Variants in INTS7 observed in about 807,000 individuals in gnomAD.
INTS7 encodes the protein chromosome 1 open reading frame 73.
Under a neutral mutation model 109.2 loss-of-function variants are expected in INTS7, and 46 were observed. The observed-to-expected ratio is 0.42, with a 90% CI of 0.33 to 0.54. The LOEUF is 0.54. Among genes scored for constraint, INTS7 ranks in the 20% least tolerant of loss-of-function variants. The pLI is 0.07. For synonymous variants in INTS7, 412 were observed against 402.9 expected (o/e 1.02, Z -0.27); for missense variants, 929 against 1,132.4 (o/e 0.82, Z 2.58).
In INTS7 at chr1:212,033,810, G is replaced by A. The variant is rs142316142; in HGVS notation, c.94+1534C>T. ...GAAAAACACATTTAAGGCCGGGCGC[G>A]GTGGCTCATGCCTGTAAATCCCAGC... On this transcript the variant is annotated intron_variant, in intron 1 of 19. Coordinates refer to ENST00000366994, the MANE Select transcript of INTS7 (RefSeq NM_015434.4). Among the ~76,000 whole-genome samples the A allele has an allele frequency of 3.1e-4, 47 of 152,250 alleles. No homozygotes were observed. In the East Asian group the frequency reaches 8.3e-3, roughly 27 times the overall value.
chr1:212,021,188 T>C lies in INTS7; in HGVS notation c.119A>G (p.Glu40Gly). 2 of 1,611,760 alleles carry C rather than the reference T, an allele frequency of 1.2e-6. No homozygotes were observed. Among genetic ancestry groups the C allele is most frequent in the Non-Finnish European group, 8.5e-7 (1 of 1,179,072 alleles). Residue 40 changes from glutamate to glycine, a missense_variant, in exon 2 of 20, where the codon GAA becomes GGA. Physicochemically the swap from Glu to Gly is moderately conservative, Grantham distance 98. Transcript: ENST00000366994. ...AAAGCGAACAACTGCTTCACACTGT[T>C]CACCAAGTTTGCCAGATCTTAGGCC... ...DKGLRSGKLG[E>G]QCEAVVRFPR...
At chr1:211,997,038 T>A (rs538156726) in intron 7 of INTS7, among the ~76,000 whole-genome samples, 1 of 149,650 alleles carries the variant, frequency 6.7e-6, no homozygotes, top group Non-Finnish European at 1.5e-5. Flanking sequence ...AATAAATAAA[T>A]AAAAATAAAA....
At chr1:212,011,659 C>A in intron 4 of INTS7, 1 of 437,452 alleles carries the variant, frequency 2.3e-6, no homozygotes, top group Non-Finnish European at 4.1e-6. Context: ...TAGGCCATTA[C>A]CACAATACAG....
rs372701166 is a variant in INTS7 at position 211,946,766 on chromosome 1, G to C, written c.2317-61C>G. 3.2e-5 allele frequency: 36 copies of C among 1,140,940 alleles called. 1 individual carries two copies. In the African/African-American group the frequency reaches 5.0e-4, roughly 16 times the overall value. 70.7% of individuals were successfully genotyped at this position (1,140,940 alleles called of 1,614,324 possible). A position where few individuals can be genotyped will look rare whatever the true frequency, so the allele number is the denominator to read the frequency against. On this transcript the variant is annotated intron_variant, in intron 17 of 19. Transcript: ENST00000366994. This position sits in a 1 kb window ranked among gnomAD's most constrained non-coding sequence, Gnocchi z 4.3. ...AATTTTCAAATTTCATCAACAAGTG[G>C]TACATTCAGTATAAAACTACAAATG...
chr1:211,942,066 G>T lies in INTS7; in HGVS notation c.2647C>A (p.Pro883Thr), dbSNP rs1370550239. Reference sequence around the variant, plus strand: ...TGAGTACTGAAGTAATCATTATGAGGTTCAACCCTTTGCTCCATCTCATTG... The same window carrying T: ...TGAGTACTGAAGTAATCATTATGAGTTTCAACCCTTTGCTCCATCTCATTG... ...MTNEMEQRVE[P>T]HNDYFSTQFL... The change falls in exon 20 of 20, where the codon CCT (proline) becomes ACT (threonine). Residue 883 changes from proline to threonine, a missense_variant. Pro to Thr is a conservative substitution (Grantham distance 38). This residue lies in a region of INTS7 where 787 missense variants were observed against 901.1 expected (regional missense o/e 0.87). Coordinates refer to ENST00000366994, the MANE Select transcript of INTS7 (RefSeq NM_015434.4). This position sits in a 1 kb window ranked among gnomAD's most constrained non-coding sequence, Gnocchi z 4.2. The T allele has an allele frequency of 5.6e-6, 9 of 1,614,144 alleles. No individual in the cohort carries two copies. The highest frequency in any genetic ancestry group is 7.6e-6 in the Non-Finnish European group (9 of 1,180,006).
In INTS7 at chr1:211,968,692, G is replaced by A. The variant is rs748297817; in HGVS notation, c.1831C>T (p.Leu611=). The change falls in exon 14 of 20, where the codon CTG becomes TTG. Residue 611 remains leucine (L), a synonymous_variant. Transcript: ENST00000366994. ...IASLTAASTP[L]NPLSFQCEFV... ...TCACACTGAAAGCTTAAAGGATTCA[G>A]TGGTGTACTAGCTGCCTGGGAAAAA... The A allele has an allele frequency of 3.1e-6, 5 of 1,603,790 alleles. No individual in the cohort carries two copies. In the South Asian group the frequency reaches 5.5e-5, roughly 18 times the overall value.
chr1:212,033,619 C>T (rs1312093440), intron 1 of INTS7, among the ~76,000 whole-genome samples: 2 of 152,192 alleles, frequency 1.3e-5, no homozygotes, highest in Admixed American at 6.5e-5. Flanking sequence ...CCATCTTTAT[C>T]CCTGTTCCAC....
At chr1:211,987,820 T>C in intron 8 of INTS7, 66 bp downstream of exon 8, 1 of 894,896 alleles carries the variant, frequency 1.1e-6, no homozygotes, top group Non-Finnish European at 1.7e-6. Context: ...AGAAACAACC[T>C]GAAACATAAA....
intron 14 of INTS7, among the ~76,000 whole-genome samples, 183 bp from the exon 15 acceptor site, chr1:211,968,164 A>AAACT (rs1663993552): frequency 6.6e-6 from 1 of 152,234 alleles, no homozygotes; most frequent in African/African-American, 2.4e-5. Flanking sequence ...ATGGCAAATG[A>AAACT]AACTATACAT....
chr1:211,968,558 C>A lies in INTS7; in HGVS notation c.1965G>T (p.Met655Ile). The A allele has an allele frequency of 6.2e-7, 1 of 1,614,028 alleles. No homozygotes were observed. The highest frequency in any genetic ancestry group is 1.1e-5 in the South Asian group (1 of 91,066). The change falls in exon 14 of 20, where the codon ATG becomes ATT. Residue 655 changes from methionine to isoleucine, a missense_variant. Met to Ile is a conservative substitution (Grantham distance 10). This residue lies in a region of INTS7 where 787 missense variants were observed against 901.1 expected (regional missense o/e 0.87). Coordinates refer to ENST00000366994, the MANE Select transcript of INTS7 (RefSeq NM_015434.4). ...PPPAIATTIA[M>I]TLGNDLQRCG... The stretch of plus-strand genomic sequence containing the variant: ...ACCTCTGGAGGTCATTTCCTAAGGT[C>A]ATGGCAATTGTTGTGGCAATTGCAG...
intron 7 of INTS7, among the ~76,000 whole-genome samples, chr1:212,001,474 A>T (rs748692343): frequency 6.6e-6 from 1 of 152,202 alleles, no homozygotes; most frequent in Non-Finnish European, 1.5e-5. Flanking sequence ...TAATACAAAT[A>T]AAAAAACAAC....
chr1:211,980,329 C>T (rs1664605594), intron 10 of INTS7, among the ~76,000 whole-genome samples: 1 of 152,216 alleles, frequency 6.6e-6, no homozygotes. Context: ...CAATGTTTAT[C>T]TAACAGTTTC....
intron 13 of INTS7, among the ~76,000 whole-genome samples, chr1:211,973,619 C>T (rs1664274428): frequency 6.6e-6 from 1 of 152,064 alleles, no homozygotes; most frequent in Admixed American, 6.6e-5. Flanking sequence ...ATTGTCAAAT[C>T]CACACTTACC....
At chr1:211,956,107 A>G (rs1663348477) in intron 16 of INTS7, among the ~76,000 whole-genome samples, 2 of 152,218 alleles carry the variant, frequency 1.3e-5, no homozygotes, top group African/African-American at 4.8e-5. Flanking sequence ...GGTAAGGAAG[A>G]TTATTTTTTC....
chr1:211,968,664 A>G lies in INTS7; in HGVS notation c.1859T>C (p.Phe620Ser), dbSNP rs1367017417. The change falls in exon 14 of 20, where the codon TTT becomes TCT. Residue 620 changes from phenylalanine to serine, a missense_variant. Phe to Ser is a radical substitution (Grantham distance 155, BLOSUM62 -2). Coordinates refer to ENST00000366994, the MANE Select transcript of INTS7 (RefSeq NM_015434.4). ...TAAAAGGTCAATCCTGAGTTTTACA[A>G]ATTCACACTGAAAGCTTAAAGGATT... is the stretch of plus-strand genomic sequence containing the variant. ...PLNPLSFQCEFVKLRIDLLQA... is the reference protein window; with the variant it reads ...PLNPLSFQCESVKLRIDLLQA... 1.9e-6 allele frequency: 3 copies of G among 1,613,872 alleles called. No individual in the cohort carries two copies. The highest frequency in any genetic ancestry group is 2.5e-6 in the Non-Finnish European group (3 of 1,179,978).
chr1:211,963,911 C>T (rs1158418250), intron 16 of INTS7, among the ~76,000 whole-genome samples: 1 of 152,192 alleles, frequency 6.6e-6, no homozygotes, highest in Non-Finnish European at 1.5e-5. Flanking sequence ...AAGCTGGAAG[C>T]ATTCCCCCTG....
At chr1:211,953,375 T>A (rs1040248199) in intron 16 of INTS7, among the ~76,000 whole-genome samples, 8 of 152,156 alleles carry the variant, frequency 5.3e-5, no homozygotes, top group Admixed American at 6.5e-5. Flanking sequence ...GCATTTCTAT[T>A]TTATTTTTTT....
rs1485602422 is a variant in INTS7 at position 211,982,759 on chromosome 1, T to A, written c.1049A>T (p.Glu350Val). ...GCCCCTGTTATTATGGTAACAGCACTCTTGGGCTAATTTGACTAAATCAGA... is the reference window on the plus strand; with the variant it reads ...GCCCCTGTTATTATGGTAACAGCACACTTGGGCTAATTTGACTAAATCAGA... ...RSSDLVKLAQ[E>V]CCYHNNRGIA... is the part of the protein sequence containing the mutation. The change falls in exon 9 of 20, where the codon GAG becomes GTG. Residue 350 changes from glutamate (E) to valine (V), a missense_variant. This residue lies in a region of INTS7 where 787 missense variants were observed against 901.1 expected (regional missense o/e 0.87). Coordinates refer to ENST00000366994, the MANE Select transcript of INTS7 (RefSeq NM_015434.4). 1.2e-6 allele frequency: 2 copies of A among 1,611,170 alleles called. No individual in the cohort carries two copies. The highest frequency in any genetic ancestry group is 1.7e-6 in the Non-Finnish European group (2 of 1,177,900).
rs550859897 is a variant in INTS7, at chr1:211,949,102, C to T, written c.2317-2397G>A. 4.6e-5 allele frequency among the ~76,000 whole-genome samples: 7 copies of T among 152,350 alleles called. No individual in the cohort carries two copies. In the South Asian group the frequency reaches 1.5e-3, roughly 32 times the overall value. On this transcript the variant is annotated intron_variant, in intron 17 of 19. Coordinates refer to ENST00000366994, the MANE Select transcript of INTS7 (RefSeq NM_015434.4). ...ATAATGCTCTTCCTTCCATGAAATTCCACCTAATAGTCCATACCCTTATTT... is the reference window on the plus strand; with the variant it reads ...ATAATGCTCTTCCTTCCATGAAATTTCACCTAATAGTCCATACCCTTATTT...
Sources: gnomAD v4.1 joint callset for allele counts (sites outside exome capture counted in the v4.1 genomes callset) on GRCh38, gnomAD v4.1.1 for gene constraint, gnomAD v4.1.1 regional missense constraint, Gnocchi (gnomAD v3.1) non-coding constraint, MANE v1.5 for transcripts, NCBI Gene and HGNC (gene_info 2026-07-23, HGNC 2026-07-21) for gene names.